The following MAML2 variants were observed in gnomAD, a reference collection of about 807,000 sequenced individuals.
MAML2 encodes the protein mastermind-like protein 2.
A neutral mutation model predicts 96.1 loss-of-function variants in MAML2; 22 were observed. The observed-to-expected ratio is 0.23, with a 90% CI of 0.16 to 0.33. The LOEUF is 0.33. MAML2 is among the 10% of genes least tolerant of loss of function. The pLI, the probability that MAML2 is intolerant of heterozygous loss-of-function variation, is 1.00. For missense variants in MAML2, 1,367 were observed against 1,392.4 expected, an observed-to-expected ratio of 0.98 and a Z score of 0.29; for synonymous variants, 561 against 521.3, an observed-to-expected ratio of 1.08 and a Z score of -1.04.
chr11:96,147,761 T>C (rs1272157732), intron 1 of MAML2, among the ~76,000 whole-genome samples: 1 of 152,270 alleles, frequency 6.6e-6, no homozygotes, highest in Non-Finnish European at 1.5e-5. Context: ...GATGATGTAG[T>C]TTTTTACACT....
intron 1 of MAML2, among the ~76,000 whole-genome samples, chr11:96,143,848 G>A (rs993507935): frequency 2.0e-5 from 3 of 152,198 alleles, no homozygotes; most frequent in African/African-American, 4.8e-5. Context: ...AATCTGTGCC[G>A]CGAACCTTGC....
chr11:96,126,404 A>G (rs993783341), intron 1 of MAML2, among the ~76,000 whole-genome samples: 1 of 150,278 alleles, frequency 6.7e-6, no homozygotes, highest in Non-Finnish European at 1.5e-5. Context: ...CTGAAAATAC[A>G]AAAATTAGCC....
rs764660149 is a variant in MAML2 at position 95,979,117 on chromosome 11, T to C, written c.3302A>G (p.Asp1101Gly). ...GTCAAAAGCTAAGTCACTGCTGTGG[T>C]CAGTTCCTTGAAAAGCCCTGGAACT... ...NQSSRAFQGT[D>G]HSSDLAFDFL... is the part of the protein sequence containing the mutation. The change falls in exon 5 of 5, where the codon GAC becomes GGC. Residue 1101 changes from aspartate (D) to glycine (G), a missense_variant. Transcript: ENST00000524717. The C allele has an allele frequency of 6.2e-7, 1 of 1,613,898 alleles. No individual in the cohort carries two copies. Among genetic ancestry groups the C allele is most frequent in the Non-Finnish European group, 8.5e-7 (1 of 1,179,902 alleles).
chr11:96,301,335 T>C (rs1863383935), intron 1 of MAML2, among the ~76,000 whole-genome samples: 1 of 152,156 alleles, frequency 6.6e-6, no homozygotes. Flanking sequence ...AAGAAGATGC[T>C]CATATTCAAT....
intron 2 of MAML2, among the ~76,000 whole-genome samples, chr11:96,029,052 A>G (rs1008302568): frequency 6.6e-6 from 1 of 152,122 alleles, no homozygotes; most frequent in Non-Finnish European, 1.5e-5. Flanking sequence ...TCTTCTAAAC[A>G]TTTTGAACTG....
chr11:96,297,492 T>C (rs1366013270), intron 1 of MAML2, among the ~76,000 whole-genome samples: 1 of 152,060 alleles, frequency 6.6e-6, no homozygotes, highest in Non-Finnish European at 1.5e-5. Context: ...GGAGAACAGC[T>C]TGATCCCAGG....
At chr11:96,282,248 C>CA (rs546246324) in intron 1 of MAML2, among the ~76,000 whole-genome samples, 3,777 of 136,772 alleles carry the variant, frequency 0.028, 180 homozygotes, top group African/African-American at 0.095. Flanking sequence ...GACTCCATCT[C>CA]AAAAAAAAAA....
At chr11:96,173,182 A>G (rs1465083747) in intron 1 of MAML2, among the ~76,000 whole-genome samples, 2 of 152,234 alleles carry the variant, frequency 1.3e-5, no homozygotes, top group Non-Finnish European at 2.9e-5. Context: ...TGGACACAAG[A>G]CTACAGCTAT....
At chr11:96,089,057 G>GAA (rs34116311) in intron 2 of MAML2, among the ~76,000 whole-genome samples, 24,043 of 150,102 alleles carry the variant, frequency 0.16, 2,009 homozygotes, top group Middle Eastern at 0.24. Flanking sequence ...ATGACAAGCA[G>GAA]AAAAAAAAAA....
At chr11:96,112,382 A>T (rs1469389036) in intron 1 of MAML2, among the ~76,000 whole-genome samples, 3 of 152,274 alleles carry the variant, frequency 2.0e-5, no homozygotes, top group Non-Finnish European at 2.9e-5. Flanking sequence ...TCTCAGGAGC[A>T]TGGCCTCGGG....
intron 4 of MAML2, among the ~76,000 whole-genome samples, chr11:95,984,135 T>C (rs1037049649): frequency 5.3e-5 from 8 of 152,210 alleles, no homozygotes; most frequent in Admixed American, 3.9e-4. Flanking sequence ...AAACTTACCA[T>C]TGTGTTATAA....
At chr11:96,140,265 TCTTG>T (rs1212567671) in intron 1 of MAML2, among the ~76,000 whole-genome samples, 3 of 152,236 alleles carry the variant, frequency 2.0e-5, no homozygotes, top group Non-Finnish European at 4.4e-5. Flanking sequence ...ATTTTCACCT[TCTTG>T]CTTTGGCCTG....
At chr11:96,022,613 C>T (rs147858721) in intron 2 of MAML2, among the ~76,000 whole-genome samples, 2 of 152,306 alleles carry the variant, frequency 1.3e-5, no homozygotes, top group Admixed American at 6.5e-5. Flanking sequence ...GAGGAAATAG[C>T]ACTAGGCTAA....
chr11:96,059,507 A>T (rs1464368374), intron 2 of MAML2, among the ~76,000 whole-genome samples: 1 of 152,234 alleles, frequency 6.6e-6, no homozygotes, highest in Admixed American at 6.5e-5. Context: ...TTATGTAATA[A>T]ACATAGAAGT....
chr11:96,263,095 C>G (rs1245434804), intron 1 of MAML2, among the ~76,000 whole-genome samples: 1 of 152,194 alleles, frequency 6.6e-6, no homozygotes, highest in South Asian at 2.1e-4. Flanking sequence ...ATTGTAATAT[C>G]TATATAAACA....
At chr11:96,321,012 A>G (rs1863692674) in intron 1 of MAML2, among the ~76,000 whole-genome samples, 1 of 152,098 alleles carries the variant, frequency 6.6e-6, no homozygotes, top group Non-Finnish European at 1.5e-5. Flanking sequence ...TAAAAACAAC[A>G]CTGCAGCAAC....
chr11:96,042,101 C>T (rs867132983), intron 2 of MAML2, among the ~76,000 whole-genome samples: 8 of 152,148 alleles, frequency 5.3e-5, no homozygotes, highest in Admixed American at 2.0e-4. Context: ...CTCAGCCTCC[C>T]GAGTGGCTGG....
At chr11:96,191,264 G>T (rs1409968127) in intron 1 of MAML2, among the ~76,000 whole-genome samples, 1 of 152,058 alleles carries the variant, frequency 6.6e-6, no homozygotes, top group Non-Finnish European at 1.5e-5. Context: ...AAGAGATTGA[G>T]ACAATCCTGA....
intron 1 of MAML2, among the ~76,000 whole-genome samples, chr11:96,319,374 A>T (rs1565282988): frequency 6.6e-6 from 1 of 152,242 alleles, no homozygotes; most frequent in Non-Finnish European, 1.5e-5. Flanking sequence ...AATGTGTGAA[A>T]TAATAAATGT....
Sources: gnomAD v4.1 joint callset for allele counts (sites outside exome capture counted in the v4.1 genomes callset) on GRCh38, gnomAD v4.1.1 for gene constraint, MANE v1.5 for transcripts, NCBI Gene and HGNC (gene_info 2026-07-23, HGNC 2026-07-21) for gene names.